The following HDAC4 variants were observed in gnomAD, a reference collection of about 807,000 sequenced individuals.
HDAC4 encodes histone deacetylase A.
HDAC4 carries 16 observed loss-of-function variants against 135.1 expected under a neutral mutation model. The ratio of observed to expected loss-of-function variants is 0.12; its 90% CI spans 0.08 to 0.18. The LOEUF (loss-of-function observed/expected upper bound fraction) is 0.18, where lower values mean the gene tolerates loss of function less well. Ranked by LOEUF, HDAC4 falls within the 10% of genes least tolerant of loss-of-function variation. The pLI is 1.00. For synonymous variants in HDAC4, 685 were observed against 653.4 expected (o/e 1.05, Z -0.74); for missense variants, 1,143 against 1,511.8 (o/e 0.76, Z 4.05).
At chr2:239,268,119 T>C (rs529426534) in intron 2 of HDAC4, among the ~76,000 whole-genome samples, 1 of 152,390 alleles carries the variant, frequency 6.6e-6, no homozygotes, top group East Asian at 1.9e-4. Flanking sequence ...TAATTTTTTT[T>C]ATTTGCTCAA....
chr2:239,130,029 AG>A (rs2040460592), intron 11 of HDAC4, among the ~76,000 whole-genome samples: 1 of 152,252 alleles, frequency 6.6e-6, no homozygotes, highest in African/African-American at 2.4e-5. Context: ...TGAACAATTC[AG>A]GGTGCCTGAG....
chr2:239,296,793 G>C (rs191169347), intron 2 of HDAC4, among the ~76,000 whole-genome samples: 2 of 152,176 alleles, frequency 1.3e-5, no homozygotes, highest in Admixed American at 6.5e-5. Context: ...CCTCCGCCCG[G>C]GAGATTCTTC....
intron 7 of HDAC4, among the ~76,000 whole-genome samples, chr2:239,154,269 T>C (rs1023297674): frequency 3.3e-5 from 5 of 152,068 alleles, no homozygotes; most frequent in African/African-American, 1.2e-4. Flanking sequence ...AGCTCCCTCC[T>C]GGGTCCATGG....
intron 24 of HDAC4, among the ~76,000 whole-genome samples, chr2:239,056,075 C>G (rs2031792831): frequency 6.6e-6 from 1 of 152,224 alleles, no homozygotes; most frequent in Non-Finnish European, 1.5e-5. Context: ...TGGGAGTGGA[C>G]AGCTACTATC....
intron 3 of HDAC4, among the ~76,000 whole-genome samples, chr2:239,231,947 C>T (rs13419659): frequency 7.0e-6 from 1 of 142,032 alleles, no homozygotes; most frequent in Non-Finnish European, 1.6e-5. Flanking sequence ...TCAATCGAGG[C>T]TGCTGAGCAC....
intron 4 of HDAC4, among the ~76,000 whole-genome samples, chr2:239,188,702 A>G (rs1368569731): frequency 6.6e-6 from 1 of 152,234 alleles, no homozygotes; most frequent in African/African-American, 2.4e-5. Flanking sequence ...CAACAACAGC[A>G]GCAGTGTTGG....
rs1198061602 is a variant in HDAC4 at position 239,349,616 on chromosome 2, C to T, written c.22+3062G>A. On this transcript the variant is annotated intron_variant, in intron 2 of 26. Coordinates refer to ENST00000543185, the MANE Select transcript of HDAC4 (RefSeq NM_001378414.1). This position sits in a 1 kb window ranked among gnomAD's most constrained non-coding sequence, Gnocchi z 5.7. ...GGAGGGCACGGTTCTGGGCAAGCCCCATCCCCCGCCTGAGACGTGGGCAGA... is the reference window on the plus strand; with the variant it reads ...GGAGGGCACGGTTCTGGGCAAGCCCTATCCCCCGCCTGAGACGTGGGCAGA... 6.6e-6 allele frequency among the ~76,000 whole-genome samples: 1 copy of T among 152,168 alleles called. No individual in the cohort carries two copies. Among genetic ancestry groups the T allele is most frequent in the African/African-American group, 2.4e-5 (1 of 41,470 alleles).
At chr2:239,196,972 T>C (rs1427459852) in intron 3 of HDAC4, among the ~76,000 whole-genome samples, 4 of 152,094 alleles carry the variant, frequency 2.6e-5, no homozygotes, top group African/African-American at 7.2e-5. Flanking sequence ...GGGCAGGCGC[T>C]CCCTCTGTCT....
At chr2:239,378,678 G>GGAACCAATGACCCCA (rs1559396194) in intron 1 of HDAC4, among the ~76,000 whole-genome samples, 3 of 127,686 alleles carry the variant, frequency 2.3e-5, no homozygotes, top group Non-Finnish European at 5.7e-5. Context: ...CAATGACCCC[G>GGAACCAATGACCCCA]GGAACCAATG....
At chr2:239,063,589 G>A (rs1263456594) in intron 24 of HDAC4, among the ~76,000 whole-genome samples, 9 of 152,154 alleles carry the variant, frequency 5.9e-5, no homozygotes, top group Non-Finnish European at 1.2e-4. Flanking sequence ...AGATCCAGGG[G>A]TTTCAGTGGG....
chr2:239,275,425 C>T (rs887389212), intron 2 of HDAC4, among the ~76,000 whole-genome samples: 2 of 152,248 alleles, frequency 1.3e-5, no homozygotes, highest in Non-Finnish European at 2.9e-5. Flanking sequence ...CAAGAAACGG[C>T]TTTGTGTACC....
At chr2:239,243,780 C>T (rs1282869960) in intron 2 of HDAC4, among the ~76,000 whole-genome samples, 1 of 152,138 alleles carries the variant, frequency 6.6e-6, no homozygotes, top group Non-Finnish European at 1.5e-5. Context: ...CAACTAACAT[C>T]TTCCATTCCT....
intron 1 of HDAC4, among the ~76,000 whole-genome samples, chr2:239,372,895 T>C (rs1694733089): frequency 6.6e-6 from 1 of 151,942 alleles, no homozygotes; most frequent in Non-Finnish European, 1.5e-5. Flanking sequence ...AATGAAATTG[T>C]ATCCTACAGA....
At chr2:239,087,940 A>G (rs947971404) in intron 18 of HDAC4, among the ~76,000 whole-genome samples, 4 of 152,274 alleles carry the variant, frequency 2.6e-5, no homozygotes, top group African/African-American at 9.6e-5. Flanking sequence ...GGTGATGTGG[A>G]AAGGATGTGC....
intron 24 of HDAC4, among the ~76,000 whole-genome samples, chr2:239,063,208 G>GTT: frequency 7.1e-6 from 1 of 140,290 alleles, no homozygotes. Context: ...GTCTTTTTTT[G>GTT]TTTTTTTTTT....
Position 239,144,579 on chromosome 2 carries a change from A to G in HDAC4, c.865+4T>C, listed in dbSNP as rs771774132. On this transcript the variant is annotated splice_donor_region_variant and intron_variant, in intron 8 of 26. Coordinates refer to ENST00000543185, the MANE Select transcript of HDAC4 (RefSeq NM_001378414.1). Reference sequence around the variant, plus strand: ...GGGCGGGTGTACCTGCTCAGCCGACATACCTGTGACATCCAACGGACGCTT... The same window carrying G: ...GGGCGGGTGTACCTGCTCAGCCGACGTACCTGTGACATCCAACGGACGCTT... The G allele has an allele frequency of 2.5e-5, 40 of 1,613,642 alleles. No homozygotes were observed. Among genetic ancestry groups the G allele is most frequent in the Non-Finnish European group, 3.1e-5 (37 of 1,180,018 alleles).
In HDAC4 at chr2:239,139,814, C is replaced by A. The variant is rs1375655247; in HGVS notation, c.866-18G>T. On this transcript the variant is annotated intron_variant, in intron 8 of 26. Coordinates refer to ENST00000543185, the MANE Select transcript of HDAC4 (RefSeq NM_001378414.1). This position sits in a 1 kb window ranked among gnomAD's most constrained non-coding sequence, Gnocchi z 5.3. ...CGCGGAGTCTGCGGAGGCAGAAATA[C>A]CCTGGTGAGTGTTACTCCATGCGGA... The A allele has an allele frequency of 5.0e-6, 8 of 1,604,128 alleles. No homozygotes were observed. The highest frequency in any genetic ancestry group is 6.8e-6 in the Non-Finnish European group (8 of 1,173,822).
At chr2:239,396,693 C>G (rs1363152667) in intron 1 of HDAC4, among the ~76,000 whole-genome samples, 1 of 152,240 alleles carries the variant, frequency 6.6e-6, no homozygotes, top group East Asian at 1.9e-4. Context: ...CTTAGCCCGG[C>G]TGACGGAGTC....
At chr2:239,070,200 C>T (rs779575521) in intron 22 of HDAC4, among the ~76,000 whole-genome samples, 5 of 152,182 alleles carry the variant, frequency 3.3e-5, no homozygotes, top group Admixed American at 6.5e-5. Flanking sequence ...CTGGGGGAGC[C>T]CACGTGTTCC....
Sources: gnomAD v4.1 joint callset for allele counts (sites outside exome capture counted in the v4.1 genomes callset) on GRCh38, gnomAD v4.1.1 for gene constraint, Gnocchi (gnomAD v3.1) non-coding constraint, MANE v1.5 for transcripts, NCBI Gene and HGNC (gene_info 2026-07-23, HGNC 2026-07-21) for gene names.